The following DNA2 variants were observed in gnomAD, a reference collection of about 807,000 sequenced individuals.
The protein encoded by DNA2 is DNA replication ATP-dependent helicase/nuclease DNA2.
DNA2 carries 101 observed loss-of-function variants against 119.1 expected under a neutral mutation model. The observed-to-expected ratio is 0.85, with a 90% CI of 0.72 to 1.00. DNA2 has a LOEUF of 1.00. Among genes scored for constraint, DNA2 ranks in the 50% least tolerant of loss-of-function variants. DNA2 has a pLI of 0.00. For synonymous variants in DNA2, 366 were observed against 424.4 expected (o/e 0.86, Z 1.69); for missense variants, 1,121 against 1,255.5 (o/e 0.89, Z 1.62).
chr10:68,459,170 CA>C lies in DNA2; in HGVS notation c.652del (p.Cys218ValfsTer39). ...ATGCATGAAATCTCCTGCCCATTTACAAAACGAAGGAAGATAGTCCTCTACT... is the reference window on the plus strand; with the variant it reads ...ATGCATGAAATCTCCTGCCCATTTACAAACGAAGGAAGATAGTCCTCTACT... ...QEVEDYLPSF[C>X]KWAGDFMHKN... is the part of the protein sequence containing the mutation. On this transcript the variant is annotated frameshift_variant, in exon 5 of 21. Transcript: ENST00000358410. LOFTEE classifies it high-confidence loss of function. 1.3e-6 allele frequency: 2 copies of C among 1,587,926 alleles called. No homozygotes were observed. Among genetic ancestry groups the C allele is most frequent in the Non-Finnish European group, 1.7e-6 (2 of 1,165,890 alleles).
At chr10:68,425,088 CTTTTTTTTTTTTTTT>C (rs60065153) in intron 14 of DNA2, 1 of 122,572 alleles carries the variant, frequency 8.2e-6, no homozygotes, top group African/African-American at 5.6e-5. Flanking sequence ...TGGAACATTT[CTTTTTTTTTTTTTTT>C]TTTTTTTTTG....
chr10:68,458,369 T>C (rs1461731218), intron 5 of DNA2, among the ~76,000 whole-genome samples: 1 of 151,656 alleles, frequency 6.6e-6, no homozygotes, highest in Non-Finnish European at 1.5e-5. Flanking sequence ...CTGTCTCTAC[T>C]AAAAATACAA....
chr10:68,463,216 G>A (rs868153059), intron 4 of DNA2, among the ~76,000 whole-genome samples: 68 of 151,994 alleles, frequency 4.5e-4, no homozygotes, highest in African/African-American at 1.4e-3. Context: ...AGGCCGAAGC[G>A]GGTGGATCAC....
chr10:68,469,630 T>A lies in DNA2; in HGVS notation c.257+351A>T, dbSNP rs1247912677. 2.0e-5 allele frequency among the ~76,000 whole-genome samples: 3 copies of A among 151,210 alleles called. No homozygotes were observed. The South Asian group carries it at 6.3e-4, about 32-fold the overall frequency. ...GGCAAGTGCCACCATACCCAGCTAA[T>A]TTTTTTTTATTTTTAGTAGAGACTG... On this transcript the variant is annotated intron_variant, in intron 2 of 20. Transcript: ENST00000358410.
At position 68,471,773 on chromosome 10, in the gene DNA2, T is replaced by TC. The variant is rs1478933671; in HGVS notation, c.74+17dup. 8 of 1,582,598 alleles carry TC rather than the reference T, an allele frequency of 5.1e-6. No homozygotes were observed. In the East Asian group the frequency reaches 1.1e-4, roughly 22 times the overall value. On this transcript the variant is annotated intron_variant, in intron 1 of 20. Transcript: ENST00000358410. ...AATCTCCCGCTTTGTTCCCACACCCTCCCCCCTCTCCGCTCACAGCTCCGC... is the reference window on the plus strand; with the variant it reads ...AATCTCCCGCTTTGTTCCCACACCCTCCCCCCCTCTCCGCTCACAGCTCCGC...
In DNA2 at chr10:68,422,706, C is replaced by A. The variant is rs529850423; in HGVS notation, c.2393G>T (p.Arg798Leu). The A allele has an allele frequency of 6.2e-7, 1 of 1,612,334 alleles. No individual in the cohort carries two copies. Among genetic ancestry groups the A allele is most frequent in the African/African-American group, 1.3e-5 (1 of 74,722 alleles). The change falls in exon 15 of 21, where the codon CGT (arginine) becomes CTT (leucine). Residue 798 changes from arginine to leucine, a missense_variant. Arg to Leu is a moderately radical substitution (Grantham distance 102, BLOSUM62 -2). Transcript: ENST00000358410. Reference sequence around the variant, plus strand: ...TTAAGTGTCTGCCTACCTTGCTTCACGGTTTAGCACCAGGGGAGGAAGCTG... The same window carrying A: ...TTAAGTGTCTGCCTACCTTGCTTCAAGGTTTAGCACCAGGGGAGGAAGCTG... ...HQQLPPLVLN[R>L]EARALGMSES...
intron 17 of DNA2, among the ~76,000 whole-genome samples, chr10:68,421,758 A>G (rs1403101583): frequency 2.6e-5 from 4 of 152,152 alleles, no homozygotes; most frequent in East Asian, 3.8e-4. Context: ...AGAAAAAGAA[A>G]GGAAAAAGAA....
chr10:68,419,722 G>A (rs982587034), intron 18 of DNA2, 81 bp downstream of exon 18: 13 of 1,064,922 alleles, frequency 1.2e-5, no homozygotes, highest in Non-Finnish European at 1.9e-5. Context: ...GAGACTTAAT[G>A]CCAGATTGTA....
chr10:68,455,739 T>C (rs967707850), intron 5 of DNA2, among the ~76,000 whole-genome samples: 7 of 152,070 alleles, frequency 4.6e-5, no homozygotes, highest in African/African-American at 7.2e-5. Flanking sequence ...AAGAATCATT[T>C]GAACCCAGGA....
intron 19 of DNA2, 51 bp downstream of exon 19, chr10:68,418,983 A>G: frequency 6.6e-7 from 1 of 1,514,552 alleles, no homozygotes; most frequent in Non-Finnish European, 8.9e-7. Flanking sequence ...CACAATTTTT[A>G]AAGAGAGAGA....
At position 68,422,609 on chromosome 10, in the gene DNA2, C is replaced by A; in HGVS notation, c.2403-5G>T. 6.2e-7 allele frequency: 1 copy of A among 1,613,894 alleles called. No homozygotes were observed. Among genetic ancestry groups the A allele is most frequent in the South Asian group, 1.1e-5 (1 of 91,068 alleles). On this transcript the variant is annotated splice_polypyrimidine_tract_variant and splice_region_variant and intron_variant, in intron 15 of 20. Transcript: ENST00000358410. ...CTTTCACTCATGCCAAGAGCTCTGT[C>A]AATAAATCAGATTCATGTTTATCAG...
chr10:68,445,828 T>TA (rs1206110157), intron 7 of DNA2, among the ~76,000 whole-genome samples: 1 of 151,946 alleles, frequency 6.6e-6, no homozygotes, highest in Non-Finnish European at 1.5e-5. Context: ...AAAATTCTTT[T>TA]AAAAAAAACC....
chr10:68,424,608 C>A, intron 14 of DNA2: 2 of 1,413,282 alleles, frequency 1.4e-6, no homozygotes, highest in Non-Finnish European at 1.0e-6. Context: ...AAACCGCAAA[C>A]GTCACTTCCA....
At chr10:68,465,297 G>A (rs547617143) in intron 4 of DNA2, among the ~76,000 whole-genome samples, 15 of 152,064 alleles carry the variant, frequency 9.9e-5, no homozygotes, top group South Asian at 2.1e-4. Context: ...GATTACAGGC[G>A]TGAGCCACCG....
In DNA2 at chr10:68,430,651, G is replaced by A. The variant is rs369989395; in HGVS notation, c.1993C>T (p.Leu665Phe). The change falls in exon 14 of 21, where the codon CTC becomes TTC. Residue 665 changes from leucine to phenylalanine, a missense_variant. Physicochemically the swap from Leu to Phe is conservative, Grantham distance 22. Coordinates refer to ENST00000358410, the MANE Select transcript of DNA2 (RefSeq NM_001080449.3). Reference protein sequence around the residue: ...TTTICTLVRILYACGFSVLLT... With the variant: ...TTTICTLVRIFYACGFSVLLT... ...AAAACGCTAAAACCACAGGCGTAGA[G>A]AATTCTTACCTAATAATGGGTAAGA... 2 of 1,582,600 alleles carry A rather than the reference G, an allele frequency of 1.3e-6. No individual in the cohort carries two copies. Among genetic ancestry groups the A allele is most frequent in the Admixed American group, 1.9e-5 (1 of 53,858 alleles).
intron 2 of DNA2, among the ~76,000 whole-genome samples, chr10:68,469,452 T>C (rs1457376581): frequency 1.3e-5 from 2 of 151,820 alleles, no homozygotes; most frequent in Non-Finnish European, 2.9e-5. Context: ...ATAAGGTCCT[T>C]TGTACGTGAT....
chr10:68,450,347 G>C (rs2052102921), intron 5 of DNA2, 100 bp from the exon 6 acceptor site: 1 of 921,560 alleles, frequency 1.1e-6, no homozygotes, highest in South Asian at 1.6e-5. Flanking sequence ...ATGTGGGGAG[G>C]GGAAAGAGTC....
At position 68,416,722 on chromosome 10, in the gene DNA2, T is replaced by A. The variant is rs765922315; in HGVS notation, c.3101A>T (p.Asn1034Ile). 2 of 1,613,466 alleles carry A rather than the reference T, an allele frequency of 1.2e-6. No homozygotes were observed. Among genetic ancestry groups the A allele is most frequent in the Admixed American group, 3.3e-5 (2 of 59,996 alleles). The change falls in exon 20 of 21, where the codon AAC becomes ATC. Residue 1034 changes from asparagine to isoleucine, a missense_variant. Physicochemically the swap from Asn to Ile is moderately radical, Grantham distance 149 (BLOSUM62 -3). Transcript: ENST00000358410. Reference sequence around the variant, plus strand: ...GAAAAAGGATATTAATTTTTCTGAGTTTAAATGATTAAGCAGCTTCTCCAA... The same window carrying A: ...GAAAAAGGATATTAATTTTTCTGAGATTAAATGATTAAGCAGCTTCTCCAA... ...PPLEKLLNHL[N>I]SEKLIIDLPS...
chr10:68,434,241 C>T (rs1355563098), intron 10 of DNA2, among the ~76,000 whole-genome samples: 2 of 151,782 alleles, frequency 1.3e-5, no homozygotes, highest in African/African-American at 4.8e-5. Context: ...TGCTACTGCA[C>T]TCCAGCCTGG....
Sources: gnomAD v4.1 joint callset for allele counts (sites outside exome capture counted in the v4.1 genomes callset) on GRCh38, gnomAD v4.1.1 for gene constraint, MANE v1.5 for transcripts, NCBI Gene and HGNC (gene_info 2026-07-23, HGNC 2026-07-21) for gene names.